The following TEX11 variants were observed in gnomAD, a reference collection of about 807,000 sequenced individuals.
The protein encoded by TEX11 is testis-expressed protein 11.
Under a neutral mutation model 84.4 loss-of-function variants are expected in TEX11, and 7 were observed. That is an observed-to-expected ratio of 0.08 (90% CI 0.05 to 0.16). The LOEUF (loss-of-function observed/expected upper bound fraction) is 0.16, where lower values mean the gene tolerates loss of function less well. TEX11 is among the 10% of genes least tolerant of loss of function. The pLI is 1.00. For missense variants in TEX11, 551 were observed against 660.5 expected, an observed-to-expected ratio of 0.83 and a Z score of 1.82; for synonymous variants, 264 against 222.8, an observed-to-expected ratio of 1.18 and a Z score of -1.64.
intron 9 of TEX11, among the ~76,000 whole-genome samples, chrX:70,773,679 C>G (rs1602115295): frequency 8.9e-6 from 1 of 111,909 alleles, no homozygotes; most frequent in South Asian, 3.7e-4. Context: ...TCACTTTTAA[C>G]TATACTATGA....
chrX:70,817,807 A>G (rs1216662332), intron 8 of TEX11, among the ~76,000 whole-genome samples: 2 of 110,700 alleles, frequency 1.8e-5, no homozygotes, highest in African/African-American at 6.6e-5. Context: ...AAAAGAAAGG[A>G]AAAAAAAGGA....
chrX:70,656,442 GA>G (rs1202471376), intron 16 of TEX11, among the ~76,000 whole-genome samples: 1 of 107,939 alleles, frequency 9.3e-6, no homozygotes, highest in Non-Finnish European at 1.9e-5. Context: ...TAGGTAGGAA[GA>G]AAAAAAAACT....
chrX:70,728,770 T>G (rs1368491872), intron 11 of TEX11, among the ~76,000 whole-genome samples: 1 of 95,500 alleles, frequency 1.0e-5, no homozygotes, highest in African/African-American at 3.8e-5. Flanking sequence ...CAGCAAAAAC[T>G]TCTGCAGACT....
At chrX:70,862,734 T>C (rs1353267077) in intron 4 of TEX11, among the ~76,000 whole-genome samples, 1 of 98,686 alleles carries the variant, frequency 1.0e-5, no homozygotes, top group Non-Finnish European at 2.0e-5. Flanking sequence ...TGTAACCACA[T>C]CTCTAGTAAA....
At chrX:70,875,680 G>T (rs943180763) in intron 3 of TEX11, among the ~76,000 whole-genome samples, 3 of 110,953 alleles carry the variant, frequency 2.7e-5, no homozygotes, top group Non-Finnish European at 5.7e-5. Flanking sequence ...AACCTGAGAG[G>T]TGGAGGTTGC....
At chrX:70,757,532 G>A (rs183421343) in intron 9 of TEX11, among the ~76,000 whole-genome samples, 94 of 111,722 alleles carry the variant, frequency 8.4e-4, no homozygotes, top group Non-Finnish European at 1.6e-3. Flanking sequence ...AGCTTCATAA[G>A]TGAAGGAGAA....
At chrX:70,639,043 T>A (rs887982912) in intron 17 of TEX11, among the ~76,000 whole-genome samples, 1 of 109,684 alleles carries the variant, frequency 9.1e-6, no homozygotes, top group Non-Finnish European at 1.9e-5. Context: ...TGGGCGCAGG[T>A]CAGTGGGTGC....
chrX:70,862,251 A>C (rs1227022599), intron 4 of TEX11, among the ~76,000 whole-genome samples: 1 of 112,257 alleles, frequency 8.9e-6, no homozygotes, highest in Non-Finnish European at 1.9e-5. Flanking sequence ...TTCCCTGAAA[A>C]TAGGGAAGTT....
Position 70,612,928 on chromosome X carries a change from G to T in TEX11, c.1752-2385C>A, listed in dbSNP as rs539790888. Among the ~76,000 whole-genome samples, 5 of 110,876 alleles carry T rather than the reference G, an allele frequency of 4.5e-5. No homozygotes were observed. The South Asian group carries it at 1.9e-3, about 43-fold the overall frequency. ...TATACAGACAAAATTCTGAAAAAAA[G>T]CCTGAGGAAAAAATACCTTACCTAA... On this transcript the variant is annotated intron_variant, in intron 20 of 29. Coordinates refer to ENST00000374333, the MANE Select transcript of TEX11 (RefSeq NM_031276.3).
intron 13 of TEX11, among the ~76,000 whole-genome samples, chrX:70,716,511 C>T (rs773735165): frequency 8.5e-4 from 96 of 112,439 alleles, no homozygotes; most frequent in Non-Finnish European, 1.5e-3. Flanking sequence ...CCCCCAGCCT[C>T]GCTGCTGCCT....
chrX:70,713,856 C>G (rs1441926256), intron 13 of TEX11, among the ~76,000 whole-genome samples: 2 of 111,418 alleles, frequency 1.8e-5, no homozygotes, highest in African/African-American at 6.5e-5. Flanking sequence ...TTTGCTCTTG[C>G]TTCTCTAGTT....
chrX:70,906,686 C>A (rs1441522606), intron 2 of TEX11, among the ~76,000 whole-genome samples: 1 of 110,911 alleles, frequency 9.0e-6, no homozygotes, highest in African/African-American at 3.3e-5. Context: ...ACTTGGGAGG[C>A]TGAGGCAGAA....
At chrX:70,846,676 C>T (rs186485402) in intron 7 of TEX11, among the ~76,000 whole-genome samples, 311 of 111,911 alleles carry the variant, frequency 2.8e-3, no homozygotes, top group Middle Eastern at 0.014. Flanking sequence ...GTAATCCCAG[C>T]AGTTTGGGAG....
At chrX:70,652,892 A>C (rs990223134) in intron 16 of TEX11, among the ~76,000 whole-genome samples, 1 of 111,281 alleles carries the variant, frequency 9.0e-6, no homozygotes, top group African/African-American at 3.3e-5. Flanking sequence ...AAAGATTAGA[A>C]GCAGTAAATA....
downstream of TEX11, among the ~76,000 whole-genome samples, chrX:70,527,062 C>A (rs1368472218): frequency 1.8e-5 from 2 of 111,652 alleles, no homozygotes; most frequent in Non-Finnish European, 3.8e-5. Flanking sequence ...CTCTACCTTA[C>A]CAATGCCAAC....
At chrX:70,626,383 C>T (rs1429065147) in intron 18 of TEX11, among the ~76,000 whole-genome samples, 1 of 109,848 alleles carries the variant, frequency 9.1e-6, no homozygotes, top group African/African-American at 3.3e-5. Context: ...GTTCTCCACC[C>T]CAGCTCTTAC....
At chrX:70,744,307 C>T (rs1197857705) in intron 9 of TEX11, 88 bp from the exon 10 acceptor site, 24 of 345,302 alleles carry the variant, frequency 7.0e-5, no homozygotes, top group Non-Finnish European at 1.7e-5. Context: ...TTATATATTA[C>T]TAAGAAGACA....
chrX:70,648,485 T>TA (rs963166988), intron 17 of TEX11, among the ~76,000 whole-genome samples: 1 of 110,558 alleles, frequency 9.0e-6, no homozygotes, highest in Non-Finnish European at 1.9e-5. Context: ...ATTTGCCAAT[T>TA]AAAAAAATAA....
intron 9 of TEX11, among the ~76,000 whole-genome samples, chrX:70,779,664 A>G (rs1211485771): frequency 9.0e-6 from 1 of 111,086 alleles, no homozygotes; most frequent in Non-Finnish European, 1.9e-5. Flanking sequence ...AAACCAAGAT[A>G]TAGAGAGTAA....
Sources: allele counts gnomAD v4.1 joint callset (sites outside exome capture counted in the v4.1 genomes callset), GRCh38; gene constraint gnomAD v4.1.1; transcripts MANE v1.5; gene names NCBI Gene and HGNC (gene_info 2026-07-23, HGNC 2026-07-21).